Variants in NISCH observed in about 807,000 individuals in gnomAD.
NISCH encodes I-1 receptor candidate protein.
Under a neutral mutation model 138.4 loss-of-function variants are expected in NISCH, and 55 were observed. That is an observed-to-expected ratio of 0.40 (90% CI 0.32 to 0.50). The LOEUF is 0.50. Ranked by LOEUF, NISCH falls within the 20% of genes least tolerant of loss-of-function variation. The pLI is 0.71. For missense variants in NISCH, 1,643 were observed against 2,005.5 expected (o/e 0.82, Z 3.45); for synonymous variants, 860 against 861.5 (o/e 1.00, Z 0.03).
intron 3 of NISCH, among the ~76,000 whole-genome samples, chr3:52,468,444 G>A (rs1706848936): frequency 1.3e-5 from 2 of 152,214 alleles, no homozygotes; most frequent in African/African-American, 2.4e-5. Flanking sequence ...TGACAGCAGG[G>A]AGGATTGCGA....
chr3:52,461,459 G>C (rs1559622971), intron 3 of NISCH, among the ~76,000 whole-genome samples: 1 of 152,172 alleles, frequency 6.6e-6, no homozygotes, highest in African/African-American at 2.4e-5. Flanking sequence ...TATAGGGTTA[G>C]CAACATACCC....
Position 52,491,009 on chromosome 3 carries a change from G to A in NISCH, c.3742+176G>A, listed in dbSNP as rs372125669. Among the ~76,000 whole-genome samples, 6 of 152,364 alleles carry A rather than the reference G, an allele frequency of 3.9e-5. No homozygotes were observed. In the East Asian group the frequency reaches 1.2e-3, roughly 29 times the overall value. On this transcript the variant is annotated intron_variant, in intron 19 of 20. Transcript: ENST00000345716. ...GAACTGCTGAGAGAGCAGAACTCAC[G>A]CTCCAGGGCTCAGAGCAGGAGGTAG...
chr3:52,489,565 A>G lies in NISCH; in HGVS notation c.3343A>G (p.Thr1115Ala). ...CCCGAGTGAGCACCTCATCCAGGCC[A>G]CCTCGGAGGAGAATCAGATCCCCTC... Reference protein sequence around the residue: ...QYPSEHLIQATSEENQIPSHL... With the variant: ...QYPSEHLIQAASEENQIPSHL... The change falls in exon 17 of 21, where the codon ACC becomes GCC. Residue 1115 changes from threonine to alanine, a missense_variant. Transcript: ENST00000345716. The G allele has an allele frequency of 6.2e-7, 1 of 1,613,168 alleles. No homozygotes were observed. The highest frequency in any genetic ancestry group is 8.5e-7 in the Non-Finnish European group (1 of 1,179,982).
At chr3:52,490,302 C>T in intron 18 of NISCH, 71 bp downstream of exon 18, 1 of 1,541,436 alleles carries the variant, frequency 6.5e-7, no homozygotes, top group East Asian at 2.3e-5. Flanking sequence ...GGGTCATTCT[C>T]TGGAGCCAGC....
intron 12 of NISCH, 127 bp from the exon 13 acceptor site, chr3:52,480,057 G>A: frequency 3.6e-6 from 4 of 1,117,580 alleles, no homozygotes; most frequent in Non-Finnish European, 5.3e-6. Context: ...CCTGCTCTAA[G>A]GATATGATGA....
At position 52,462,175 on chromosome 3, in the gene NISCH, G is replaced by A. The variant is rs1706653746; in HGVS notation, c.360+3331G>A. ...TTAGTATTATCAAACAGGTCCCTAGGTTATATAAATCCTAGGATTTAAAAA... is the reference window on the plus strand; with the variant it reads ...TTAGTATTATCAAACAGGTCCCTAGATTATATAAATCCTAGGATTTAAAAA... On this transcript the variant is annotated intron_variant, in intron 3 of 20. Coordinates refer to ENST00000345716, the MANE Select transcript of NISCH (RefSeq NM_007184.4). Among the ~76,000 whole-genome samples the A allele has an allele frequency of 2.0e-5, 3 of 152,280 alleles. No individual in the cohort carries two copies. The South Asian group carries it at 6.2e-4, about 32-fold the overall frequency.
At position 52,487,852 on chromosome 3, in the gene NISCH, G is replaced by A. The variant is rs768739408; in HGVS notation, c.2360G>A (p.Ser787Asn). 7.4e-6 allele frequency: 12 copies of A among 1,612,784 alleles called. No homozygotes were observed. Among genetic ancestry groups the A allele is most frequent in the Middle Eastern group, 1.6e-4 (1 of 6,062 alleles). Residue 787 changes from serine to asparagine, a missense_variant, in exon 16 of 21, where the codon AGT becomes AAT. Coordinates refer to ENST00000345716, the MANE Select transcript of NISCH (RefSeq NM_007184.4). The surrounding 1 kb of genome is among the most constrained non-coding windows in gnomAD (Gnocchi z 9.1). Reference sequence around the variant, plus strand: ...TGTCTGGTGCTCAAGGTACGGCACAGTGAGAACACGCTCTTCATTATCTCG... The same window carrying A: ...TGTCTGGTGCTCAAGGTACGGCACAATGAGAACACGCTCTTCATTATCTCG... ...ELCLVLKVRH[S>N]ENTLFIISDA...
At chr3:52,455,761 G>A in intron 1 of NISCH, 27 bp downstream of exon 1, 1 of 1,332,074 alleles carries the variant, frequency 7.5e-7, no homozygotes, top group Non-Finnish European at 9.7e-7. Flanking sequence ...GGCACCCGAA[G>A]CGGGGGTGGT....
At chr3:52,468,264 AAAG>A (rs1424741255) in intron 3 of NISCH, among the ~76,000 whole-genome samples, 5 of 152,202 alleles carry the variant, frequency 3.3e-5, no homozygotes, top group East Asian at 1.9e-4. Context: ...GTCTCAAAAA[AAAG>A]AAGTGTGCCG....
chr3:52,481,765 C>T, intron 13 of NISCH: 2 of 985,642 alleles, frequency 2.0e-6, no homozygotes, highest in Non-Finnish European at 2.4e-6. Context: ...GGAGAAGCCT[C>T]TGCACCAGCT....
chr3:52,464,651 A>G (rs780226432), intron 3 of NISCH, among the ~76,000 whole-genome samples: 5 of 149,128 alleles, frequency 3.4e-5, no homozygotes, highest in Non-Finnish European at 7.4e-5. Flanking sequence ...CGGCCTCCCA[A>G]GTAGCTGGGA....
rs1707475310 is a variant in NISCH, at chr3:52,488,599, G to A, written c.3107G>A (p.Arg1036Lys). Reference sequence around the variant, plus strand: ...GCGGATGGCCAGCCTGCCGAGCGCAGGGCCAGGTGAGATCAAGCACAGCTC... The same window carrying A: ...GCGGATGGCCAGCCTGCCGAGCGCAAGGCCAGGTGAGATCAAGCACAGCTC... ...SFADGQPAER[R>K]ASNDQRPQEV... The change falls in exon 16 of 21, where the codon AGG (arginine) becomes AAG (lysine). Residue 1036 changes from arginine (R) to lysine (K), a missense_variant. Coordinates refer to ENST00000345716, the MANE Select transcript of NISCH (RefSeq NM_007184.4). The A allele has an allele frequency of 9.3e-6, 15 of 1,607,960 alleles. No homozygotes were observed. Among genetic ancestry groups the A allele is most frequent in the Non-Finnish European group, 1.3e-5 (15 of 1,176,996 alleles).
At chr3:52,461,956 T>C (rs1003466417) in intron 3 of NISCH, among the ~76,000 whole-genome samples, 2 of 152,174 alleles carry the variant, frequency 1.3e-5, no homozygotes, top group Non-Finnish European at 2.9e-5. Context: ...ACGGTATTAA[T>C]TCCTTGCTTG....
chr3:52,466,520 G>A lies in NISCH; in HGVS notation c.361-4339G>A, dbSNP rs998313467. Among the ~76,000 whole-genome samples, 7 of 149,810 alleles carry A rather than the reference G, an allele frequency of 4.7e-5. No individual in the cohort carries two copies. The South Asian group carries it at 1.1e-3, about 23-fold the overall frequency. The stretch of plus-strand genomic sequence containing the variant: ...GCGGAGGTTGTAGTGAGCCGAGATC[G>A]CGCCATTGCACTCAGCATGGGTGAC... On this transcript the variant is annotated intron_variant, in intron 3 of 20. Transcript: ENST00000345716.
At position 52,491,900 on chromosome 3, in the gene NISCH, C is replaced by T. The variant is rs1429570788; in HGVS notation, c.3933C>T (p.His1311=). ...TGKMENYELI[H]SSRVKFTYPS... is the part of the protein sequence containing the mutation. ...AGATGGAGAACTACGAGCTGATCCA[C>T]TCTAGTCGCGTCAAGTTTACCTACC... The change falls in exon 21 of 21, where the codon CAC becomes CAT. Residue 1311 remains histidine (H), a synonymous_variant. Transcript: ENST00000345716. 6.8e-6 allele frequency: 11 copies of T among 1,609,530 alleles called. No individual in the cohort carries two copies. The highest frequency in any genetic ancestry group is 9.3e-6 in the Non-Finnish European group (11 of 1,177,598).
intron 13 of NISCH, chr3:52,481,028 G>A (rs1443745668): frequency 1.0e-5 from 14 of 1,380,274 alleles, no homozygotes; most frequent in East Asian, 2.8e-5. Flanking sequence ...TCCTGGAGAC[G>A]CAGAACTTGG....
At chr3:52,477,963 C>A in intron 9 of NISCH, 134 bp from the exon 10 acceptor site, 1 of 932,752 alleles carries the variant, frequency 1.1e-6, no homozygotes, top group Non-Finnish European at 1.7e-6. Flanking sequence ...GACTTCCCTT[C>A]CTAAAATAAC....
At chr3:52,461,496 T>C (rs1706630374) in intron 3 of NISCH, among the ~76,000 whole-genome samples, 1 of 152,166 alleles carries the variant, frequency 6.6e-6, no homozygotes, top group Admixed American at 6.5e-5. Context: ...TTATACTTTC[T>C]TATGTGAGAA....
rs200965700 is a variant in NISCH, at chr3:52,488,478, C to T, written c.2986C>T (p.Arg996Cys). 4 of 1,613,504 alleles carry T rather than the reference C, an allele frequency of 2.5e-6. No individual in the cohort carries two copies. The highest frequency in any genetic ancestry group is 1.3e-5 in the African/African-American group (1 of 75,052). Residue 996 changes from arginine (R) to cysteine (C), a missense_variant, in exon 16 of 21, where the codon CGC becomes TGC. Arg to Cys is a radical substitution (Grantham distance 180, BLOSUM62 -3). Coordinates refer to ENST00000345716, the MANE Select transcript of NISCH (RefSeq NM_007184.4). ...GCCCCACGAGAAGTTCCACTTCCTG[C>T]GCGTCTACAACCAGCTGCGGGCCTC... ...VLPHEKFHFL[R>C]VYNQLRASLQ...
Sources: allele counts gnomAD v4.1 joint callset (sites outside exome capture counted in the v4.1 genomes callset), GRCh38; gene constraint gnomAD v4.1.1; non-coding constraint Gnocchi (gnomAD v3.1); transcripts MANE v1.5; gene names NCBI Gene and HGNC (gene_info 2026-07-23, HGNC 2026-07-21).